PARD3: variants seen among roughly 807,000 people sequenced by gnomAD.
PARD3 encodes the protein partitioning defective 3 homolog.
Under a neutral mutation model 155.4 loss-of-function variants are expected in PARD3, and 75 were observed. The ratio of observed to expected loss-of-function variants is 0.48; its 90% CI spans 0.40 to 0.58. PARD3 has a LOEUF of 0.58. Among genes scored for constraint, PARD3 ranks in the 20% least tolerant of loss-of-function variants. The pLI is 0.00. For synonymous variants in PARD3, 576 were observed against 610.5 expected (o/e 0.94, Z 0.83); for missense variants, 1,642 against 1,721.7 (o/e 0.95, Z 0.82).
At chr10:34,770,043 A>G (rs1838668658) in intron 1 of PARD3, among the ~76,000 whole-genome samples, 1 of 152,088 alleles carries the variant, frequency 6.6e-6, no homozygotes, top group African/African-American at 2.4e-5. Flanking sequence ...GCTCCCAATG[A>G]CTTCCTCAGT....
rs540840574 is a variant in PARD3 at position 34,415,825 on chromosome 10, A to G, written c.715-13908T>C. Among the ~76,000 whole-genome samples the G allele has an allele frequency of 1.8e-4, 28 of 152,340 alleles. No homozygotes were observed. In the South Asian group the frequency reaches 5.4e-3, roughly 29 times the overall value. On this transcript the variant is annotated intron_variant, in intron 5 of 24. Coordinates refer to ENST00000374788, the MANE Select transcript of PARD3 (RefSeq NM_001184785.2). ...TATTTGGTGTTTTACAAGTATACCT[A>G]TTAAGTGCATACATACTGTCTGGAG... is the stretch of plus-strand genomic sequence containing the variant.
chr10:34,592,602 C>G (rs956010076), intron 2 of PARD3, among the ~76,000 whole-genome samples: 5 of 152,018 alleles, frequency 3.3e-5, no homozygotes, highest in Non-Finnish European at 5.9e-5. Flanking sequence ...ATGGTGAAAC[C>G]CTGTCTCTAC....
chr10:34,143,576 G>A (rs1373174466), intron 22 of PARD3, among the ~76,000 whole-genome samples: 2 of 152,028 alleles, frequency 1.3e-5, no homozygotes, highest in South Asian at 4.1e-4. Context: ...AACACTATAC[G>A]AAACTAAGCT....
intron 2 of PARD3, among the ~76,000 whole-genome samples, chr10:34,695,252 G>T (rs371952691): frequency 6.6e-6 from 1 of 152,152 alleles, no homozygotes; most frequent in East Asian, 1.9e-4. Context: ...CAAAGCAGGC[G>T]GATCATGAGG....
At chr10:34,589,636 CAAAAAAAAA>C (rs35357373) in intron 2 of PARD3, among the ~76,000 whole-genome samples, 1 of 84,300 alleles carries the variant, frequency 1.2e-5, no homozygotes, top group Non-Finnish European at 2.3e-5. Context: ...AGTACATGTC[CAAAAAAAAA>C]AAAAAAAAAA....
rs528601462 is a variant in PARD3, at chr10:34,449,377, T to C, written c.714+940A>G. On this transcript the variant is annotated intron_variant, in intron 5 of 24. Coordinates refer to ENST00000374788, the MANE Select transcript of PARD3 (RefSeq NM_001184785.2). Reference sequence around the variant, plus strand: ...ATTATAAAACACTGGGATTCCCTACTACAAAAAACCCATTGTGAGTCAATA... The same window carrying C: ...ATTATAAAACACTGGGATTCCCTACCACAAAAAACCCATTGTGAGTCAATA... Among the ~76,000 whole-genome samples, 107 of 143,308 alleles carry C rather than the reference T, an allele frequency of 7.5e-4. 1 individual carries two copies. The South Asian group carries it at 8.0e-3, about 11-fold the overall frequency. 94.0% of individuals were successfully genotyped at this position (143,308 alleles called of 152,430 possible).
chr10:34,666,816 T>TATACACACAC (rs765552982), intron 2 of PARD3, among the ~76,000 whole-genome samples: 4 of 88,768 alleles, frequency 4.5e-5, no homozygotes, highest in African/African-American at 9.4e-5. Context: ...TATATATATA[T>TATACACACAC]ACACACACAC....
chr10:34,285,478 G>A (rs1956342133), intron 20 of PARD3, among the ~76,000 whole-genome samples: 1 of 152,058 alleles, frequency 6.6e-6, no homozygotes, highest in Admixed American at 6.6e-5. Flanking sequence ...TCCAGAGGCT[G>A]AGGCAGAAGG....
intron 2 of PARD3, among the ~76,000 whole-genome samples, chr10:34,661,105 T>C (rs2093315181): frequency 6.6e-6 from 1 of 152,172 alleles, no homozygotes; most frequent in Non-Finnish European, 1.5e-5. Context: ...CTGGTGGAGA[T>C]AGTTTGAGGA....
chr10:34,470,221 A>G lies in PARD3; in HGVS notation c.446T>C (p.Ile149Thr), dbSNP rs759188380. 1.7e-5 allele frequency: 27 copies of G among 1,612,856 alleles called. No homozygotes were observed. The East Asian group carries it at 2.5e-4, about 15-fold the overall frequency. Residue 149 changes from isoleucine (I) to threonine (T), a missense_variant, in exon 4 of 25, where the codon ATT becomes ACT. By Grantham distance (89) the Ile-to-Thr change is moderately conservative. Around this residue, in one of 3 missense-constraint regions of PARD3, gnomAD observed 1,529 missense variants for 1,587.3 expected, o/e 0.96. Coordinates refer to ENST00000374788, the MANE Select transcript of PARD3 (RefSeq NM_001184785.2). ...ATCACTGACAGAAGTGGAGAGGCCA[A>G]TTAGAGCTGGGTCACTACTGCGTCG... is the stretch of plus-strand genomic sequence containing the variant. ...HVRRSSDPAL[I>T]GLSTSVSDSN...
rs1372233253 is a variant in PARD3 at position 34,517,056 on chromosome 10, C to T, written c.326G>A (p.Gly109Asp). 1 of 1,614,172 alleles carries T rather than the reference C, an allele frequency of 6.2e-7. No homozygotes were observed. Among genetic ancestry groups the T allele is most frequent in the Middle Eastern group, 1.7e-4 (1 of 6,060 alleles). Residue 109 changes from glycine (G) to aspartate (D), a missense_variant, in exon 3 of 25, where the codon GGC becomes GAC. Transcript: ENST00000374788. ...QSPEIFGSEL[G>D]TNNVSAFQPY... is the part of the protein sequence containing the mutation. ...CTGAAAGGCTGAGACATTGTTGGTG[C>T]CAAGCTCACTACCAAATATCTCTGG...
In PARD3 at chr10:34,649,982, TCA is replaced by T. The variant is rs2092956851; in HGVS notation, c.222+46334_222+46335del. 2.0e-5 allele frequency among the ~76,000 whole-genome samples: 3 copies of T among 152,236 alleles called. No individual in the cohort carries two copies. In the South Asian group the frequency reaches 6.2e-4, roughly 32 times the overall value. On this transcript the variant is annotated intron_variant, in intron 2 of 24. Coordinates refer to ENST00000374788, the MANE Select transcript of PARD3 (RefSeq NM_001184785.2). ...CTACACAGGGTCAGGATCATCAACATCACTGTCTTCCACCAGCACCTCTGTCC... is the reference window on the plus strand; with the variant it reads ...CTACACAGGGTCAGGATCATCAACATCTGTCTTCCACCAGCACCTCTGTCC...
chr10:34,146,494 T>C (rs1248883360), intron 22 of PARD3, among the ~76,000 whole-genome samples: 1 of 152,214 alleles, frequency 6.6e-6, no homozygotes, highest in Non-Finnish European at 1.5e-5. Flanking sequence ...ATACAAATAC[T>C]GTTTTAAAGA....
intron 1 of PARD3, among the ~76,000 whole-genome samples, chr10:34,709,238 A>G (rs2094414630): frequency 6.6e-6 from 1 of 152,196 alleles, no homozygotes; most frequent in Non-Finnish European, 1.5e-5. Context: ...AGGTAATTTT[A>G]TACAATATTT....
At chr10:34,790,789 T>A (rs971599067) in intron 1 of PARD3, among the ~76,000 whole-genome samples, 6 of 152,202 alleles carry the variant, frequency 3.9e-5, no homozygotes, top group African/African-American at 1.4e-4. Context: ...TGCATTTCTT[T>A]AATCTGTGAA....
intron 3 of PARD3, among the ~76,000 whole-genome samples, chr10:34,487,495 C>T (rs1417041604): frequency 6.6e-6 from 1 of 152,054 alleles, no homozygotes; most frequent in Non-Finnish European, 1.5e-5. Context: ...ATTGAAAGGG[C>T]AATCTCTGTA....
rs201831203 is a variant in PARD3, at chr10:34,269,732, C to T, written c.3344G>A (p.Arg1115Gln). 9.3e-5 allele frequency: 150 copies of T among 1,613,998 alleles called. No homozygotes were observed. The highest frequency in any genetic ancestry group is 4.2e-4 in the South Asian group (38 of 91,076). ...MALNARPQSP[R>Q]EGHMMDALYA... ...CAAAGCATCCATCATATGCCCTTCT[C>T]GTGGGCTCTGAGGTCTAGCGTTGAG... The change falls in exon 22 of 25, where the codon CGA becomes CAA. Residue 1115 changes from arginine to glutamine, a missense_variant. Coordinates refer to ENST00000374788, the MANE Select transcript of PARD3 (RefSeq NM_001184785.2).
chr10:34,608,180 A>T (rs1216675546), intron 2 of PARD3, among the ~76,000 whole-genome samples: 1 of 152,188 alleles, frequency 6.6e-6, no homozygotes. Flanking sequence ...AGAGCAGGGG[A>T]TTTCAGTTCT....
chr10:34,216,414 C>T (rs999178715), intron 22 of PARD3, among the ~76,000 whole-genome samples: 15 of 152,220 alleles, frequency 9.9e-5, no homozygotes, highest in Admixed American at 8.5e-4. Flanking sequence ...CTGCAAGCGG[C>T]TTAACCTTAT....
Sources: gnomAD v4.1 joint callset for allele counts (sites outside exome capture counted in the v4.1 genomes callset) on GRCh38, gnomAD v4.1.1 for gene constraint, gnomAD v4.1.1 regional missense constraint, MANE v1.5 for transcripts, NCBI Gene and HGNC (gene_info 2026-07-23, HGNC 2026-07-21) for gene names.